The following ZNF821 variants were observed in gnomAD, a reference collection of about 807,000 sequenced individuals.
ZNF821 encodes zinc finger protein 821.
Under a neutral mutation model 44.3 loss-of-function variants are expected in ZNF821, and 16 were observed. The observed-to-expected ratio is 0.36, with a 90% CI of 0.24 to 0.55. The LOEUF (loss-of-function observed/expected upper bound fraction) is 0.55. Among genes scored for constraint, ZNF821 ranks in the 20% least tolerant of loss-of-function variants. The probability of loss-of-function intolerance (pLI) is 0.86; values close to 1 mark genes in which losing one functional copy is unlikely to be tolerated. For synonymous variants in ZNF821, 204 were observed against 197.6 expected, an observed-to-expected ratio of 1.03 and a Z score of -0.27; for missense variants, 436 against 547.6, an observed-to-expected ratio of 0.80 and a Z score of 2.03.
intron 3 of ZNF821, among the ~76,000 whole-genome samples, chr16:71,874,918 G>A (rs1292754070): frequency 6.6e-6 from 1 of 152,130 alleles, no homozygotes; most frequent in East Asian, 1.9e-4. Flanking sequence ...TTTTGAAAAG[G>A]GTAGGGTCAG....
Position 71,874,277 on chromosome 16 carries a change from T to C in ZNF821, c.40+5630A>G, listed in dbSNP as rs577496874. 4.6e-5 allele frequency among the ~76,000 whole-genome samples: 7 copies of C among 152,118 alleles called. 1 individual carries two copies. In the South Asian group the frequency reaches 1.2e-3, roughly 27 times the overall value. ...GAGCCCGACCTGGGAATTCTTAATA[T>C]ATCCCTTTAGGTGGCCTATTAGTTT... On this transcript the variant is annotated intron_variant, in intron 3 of 7. Coordinates refer to ENST00000425432, the MANE Select transcript of ZNF821 (RefSeq NM_001201552.2).
rs1404484068 is a variant in ZNF821 at position 71,859,731 on chromosome 16, CA to C, written c.*286del. The C allele has an allele frequency of 2.4e-5, 10 of 408,624 alleles. No individual in the cohort carries two copies. The highest frequency in any genetic ancestry group is 4.3e-5 in the Non-Finnish European group (10 of 230,766). The allele number at this position is 408,624 out of a possible 1,614,324, so 25.3% of individuals were successfully genotyped here. A position where few individuals can be genotyped will look rare whatever the true frequency, so the allele number is the denominator to read the frequency against. The stretch of plus-strand genomic sequence containing the variant: ...TGACTTCACAACTTCATGGGCCACA[CA>C]GGGGCCCCACAGTCCTAGAAGCACA... On this transcript the variant is annotated 3_prime_UTR_variant, in exon 8 of 8. Coordinates refer to ENST00000425432, the MANE Select transcript of ZNF821 (RefSeq NM_001201552.2).
upstream of ZNF821, among the ~76,000 whole-genome samples, chr16:71,888,007 C>T (rs963760008): frequency 2.6e-4 from 40 of 151,964 alleles, no homozygotes; most frequent in Middle Eastern, 6.3e-3. Flanking sequence ...GGACTACTGG[C>T]ATGCCCTTAC....
chr16:71,867,149 T>G lies in ZNF821; in HGVS notation c.166+763A>C, dbSNP rs143437648. Among the ~76,000 whole-genome samples the G allele has an allele frequency of 3.6e-4, 55 of 152,334 alleles. 1 individual carries two copies. In the East Asian group the frequency reaches 9.4e-3, roughly 26 times the overall value. ...GCATTTTATACACTGCATAACCTCA[T>G]TACTAAGCAAATCTTCTTGTTTAAC... is the stretch of plus-strand genomic sequence containing the variant. On this transcript the variant is annotated intron_variant, in intron 4 of 7. Transcript: ENST00000425432.
chr16:71,869,246 C>T (rs2034905277), intron 3 of ZNF821, among the ~76,000 whole-genome samples: 2 of 152,110 alleles, frequency 1.3e-5, no homozygotes, highest in African/African-American at 2.4e-5. Flanking sequence ...CAGGCCCTTT[C>T]CTGCTGAAGA....
chr16:71,864,085 CA>C (rs2034248316), intron 6 of ZNF821, 52 bp downstream of exon 6: 1 of 1,517,552 alleles, frequency 6.6e-7, no homozygotes, highest in Non-Finnish European at 9.1e-7. Flanking sequence ...ATCTGGGCTA[CA>C]GACAAGCTGC....
In ZNF821 at chr16:71,860,448, C is replaced by T. The variant is rs2033712252; in HGVS notation, c.809G>A (p.Arg270Gln). The change falls in exon 8 of 8, where the codon CGG becomes CAG. Residue 270 changes from arginine to glutamine, a missense_variant. Around this residue, in one of 5 missense-constraint regions of ZNF821, gnomAD observed 68 missense variants for 57.0 expected, o/e 1.19. Transcript: ENST00000425432. This position sits in a 1 kb window ranked among gnomAD's most constrained non-coding sequence, Gnocchi z 7.3. Reference protein sequence around the residue: ...LRRQNEPLEVRLQRLERERTA... With the variant: ...LRRQNEPLEVQLQRLERERTA... ...GCGCTCTCGTTCCAGCCGCTGCAGCCGTACTTCCAAAGGCTCATTCTGTCG... is the reference window on the plus strand; with the variant it reads ...GCGCTCTCGTTCCAGCCGCTGCAGCTGTACTTCCAAAGGCTCATTCTGTCG... The T allele has an allele frequency of 2.5e-6, 4 of 1,614,008 alleles. No homozygotes were observed. The highest frequency in any genetic ancestry group is 1.1e-5 in the South Asian group (1 of 91,090).
chr16:71,890,976 G>T (rs971185320), intron 1 of ZNF821, among the ~76,000 whole-genome samples: 5 of 151,058 alleles, frequency 3.3e-5, no homozygotes, highest in Admixed American at 6.6e-5. Flanking sequence ...GGGTTTCACT[G>T]TGTTAGCCAG....
upstream of ZNF821, among the ~76,000 whole-genome samples, chr16:71,885,627 C>T (rs952753802): frequency 1.3e-5 from 2 of 152,174 alleles, no homozygotes; most frequent in African/African-American, 2.4e-5. Context: ...TGTCTTTCCC[C>T]TAAATCTTTT....
At chr16:71,888,225 T>C (rs1172539873), upstream of ZNF821, among the ~76,000 whole-genome samples, 1 of 152,200 alleles carries the variant, frequency 6.6e-6, no homozygotes, top group Non-Finnish European at 1.5e-5. Context: ...ATAATATTTA[T>C]TTTTATTTAT....
At chr16:71,876,120 C>A (rs554068834) in intron 3 of ZNF821, among the ~76,000 whole-genome samples, 1 of 152,324 alleles carries the variant, frequency 6.6e-6, no homozygotes, top group South Asian at 2.1e-4. Flanking sequence ...ACACCCAACT[C>A]CTATACTTGC....
chr16:71,867,809 T>G, intron 4 of ZNF821, 103 bp downstream of exon 4: 2 of 1,434,404 alleles, frequency 1.4e-6, no homozygotes, highest in Admixed American at 2.2e-5. Flanking sequence ...ATCTCCTTTT[T>G]CATGTCTTTC....
chr16:71,885,032 A>G (rs184499176), upstream of ZNF821, among the ~76,000 whole-genome samples: 17 of 151,972 alleles, frequency 1.1e-4, no homozygotes, highest in East Asian at 3.1e-3. Flanking sequence ...TAATTTTTGT[A>G]TTTTTAGTAG....
intron 3 of ZNF821, 25 bp from the exon 4 acceptor site, chr16:71,868,062 C>T (rs2034748233): frequency 2.0e-6 from 3 of 1,529,476 alleles, no homozygotes; most frequent in African/African-American, 1.4e-5. Flanking sequence ...GAAAAATAGT[C>T]AGGCCACCAG....
chr16:71,878,111 GTCT>G (rs2036032761), intron 3 of ZNF821, among the ~76,000 whole-genome samples: 1 of 108,206 alleles, frequency 9.2e-6, no homozygotes, highest in Non-Finnish European at 1.8e-5. Flanking sequence ...GGAACTATTT[GTCT>G]TTTTTTTTTT....
chr16:71,882,584 G>A (rs1365662546), intron 2 of ZNF821, among the ~76,000 whole-genome samples: 5 of 152,100 alleles, frequency 3.3e-5, no homozygotes, highest in East Asian at 1.9e-4. Flanking sequence ...TCCTCCTAGT[G>A]GCCAAATGGG....
chr16:71,859,873 G>T lies in ZNF821; in HGVS notation c.*145C>A. 3 of 912,436 alleles carry T rather than the reference G, an allele frequency of 3.3e-6. No individual in the cohort carries two copies. Among genetic ancestry groups the T allele is most frequent in the Non-Finnish European group, 3.2e-6 (2 of 621,892 alleles). 56.5% of individuals were successfully genotyped at this position (912,436 alleles called of 1,614,324 possible). On this transcript the variant is annotated 3_prime_UTR_variant, in exon 8 of 8. Coordinates refer to ENST00000425432, the MANE Select transcript of ZNF821 (RefSeq NM_001201552.2). ...CATCCTGTTCCCATATGCAAGGGCT[G>T]CTCAGGTCCACCTGCAATAAACCCA...
chr16:71,869,899 A>G (rs2034995917), intron 3 of ZNF821, among the ~76,000 whole-genome samples: 1 of 152,150 alleles, frequency 6.6e-6, no homozygotes, highest in South Asian at 2.1e-4. Flanking sequence ...GACCTCCTAA[A>G]GTGTTGGAAT....
chr16:71,860,476 G>T lies in ZNF821; in HGVS notation c.781C>A (p.Arg261Ser). 6.2e-7 allele frequency: 1 copy of T among 1,614,188 alleles called. No homozygotes were observed. Among genetic ancestry groups the T allele is most frequent in the Middle Eastern group, 1.6e-4 (1 of 6,062 alleles). Residue 261 changes from arginine to serine, a missense_variant, in exon 8 of 8, where the codon CGT becomes AGT. Arg to Ser is a moderately radical substitution (Grantham distance 110). Around this residue, in one of 5 missense-constraint regions of ZNF821, gnomAD observed 68 missense variants for 57.0 expected, o/e 1.19. Transcript: ENST00000425432. The surrounding 1 kb of genome is among the most constrained non-coding windows in gnomAD (Gnocchi z 7.3). Reference protein sequence around the residue: ...QTPSVRKWALRRQNEPLEVRL... With the variant: ...QTPSVRKWALSRQNEPLEVRL... ...ACTTCCAAAGGCTCATTCTGTCGAC[G>T]TAGAGCCCACTTGCGTACACTGGGA...
Sources: gnomAD v4.1 joint callset for allele counts (sites outside exome capture counted in the v4.1 genomes callset) on GRCh38, gnomAD v4.1.1 for gene constraint, gnomAD v4.1.1 regional missense constraint, Gnocchi (gnomAD v3.1) non-coding constraint, MANE v1.5 for transcripts, NCBI Gene and HGNC (gene_info 2026-07-23, HGNC 2026-07-21) for gene names.